Variants in FRMPD4 observed in about 807,000 individuals in gnomAD.
The protein encoded by FRMPD4 is FERM and PDZ domain-containing protein 4.
Under a neutral mutation model 94.1 loss-of-function variants are expected in FRMPD4, and 22 were observed. The observed-to-expected ratio is 0.23, with a 90% CI of 0.17 to 0.33. The LOEUF (loss-of-function observed/expected upper bound fraction) is 0.33, where lower values mean the gene tolerates loss of function less well. FRMPD4 is among the 10% of genes least tolerant of loss of function. The probability of loss-of-function intolerance (pLI) is 1.00; values close to 1 mark genes in which losing one functional copy is unlikely to be tolerated. For synonymous variants in FRMPD4, 631 were observed against 548.6 expected, an observed-to-expected ratio of 1.15 and a Z score of -2.10; for missense variants, 1,111 against 1,339.9, an observed-to-expected ratio of 0.83 and a Z score of 2.67.
At chrX:12,548,400 G>GT (rs1256232174) in intron 2 of FRMPD4, among the ~76,000 whole-genome samples, 1 of 112,346 alleles carries the variant, frequency 8.9e-6, no homozygotes, top group Non-Finnish European at 1.9e-5. Flanking sequence ...TTGCAGCATG[G>GT]TAACTTACTG....
intron 2 of FRMPD4, among the ~76,000 whole-genome samples, chrX:12,556,688 G>A (rs1377685729): frequency 1.8e-5 from 2 of 111,837 alleles, no homozygotes; most frequent in Non-Finnish European, 3.8e-5. Context: ...AGCAATAGAA[G>A]ACTATTACAA....
At chrX:12,060,267 GTTT>G (rs368187952) in intron 3 of FRMPD4, among the ~76,000 whole-genome samples, 72 of 93,025 alleles carry the variant, frequency 7.7e-4, no homozygotes, top group Middle Eastern at 5.5e-3. Context: ...CTAGGAACTG[GTTT>G]TTTTTTTTTT....
intron 3 of FRMPD4, among the ~76,000 whole-genome samples, chrX:12,011,029 C>T: frequency 8.9e-6 from 1 of 112,463 alleles, no homozygotes; most frequent in Admixed American, 9.4e-5. Flanking sequence ...ACAGGAAAAC[C>T]ATATATAGTC....
At chrX:12,539,181 G>T (rs1009672152) in intron 2 of FRMPD4, among the ~76,000 whole-genome samples, 1 of 112,125 alleles carries the variant, frequency 8.9e-6, no homozygotes, top group Non-Finnish European at 1.9e-5. Flanking sequence ...GGAAGAAAGT[G>T]TATCAGTGAC....
intron 3 of FRMPD4, among the ~76,000 whole-genome samples, chrX:11,900,667 C>T (rs1377510565): frequency 1.8e-5 from 2 of 111,282 alleles, no homozygotes; most frequent in Non-Finnish European, 3.8e-5. Flanking sequence ...CAAAGACACA[C>T]TCTTAAGCTG....
intron 5 of FRMPD4, among the ~76,000 whole-genome samples, chrX:12,678,881 A>C (rs192818803): frequency 3.0e-3 from 336 of 112,563 alleles, no homozygotes; most frequent in Admixed American, 7.2e-3. Context: ...ACTCAATGGG[A>C]CTTGAGCTAA....
Position 12,153,226 on chromosome X carries a change from G to T in FRMPD4, c.41+14214G>T, listed in dbSNP as rs775140191. The stretch of plus-strand genomic sequence containing the variant: ...GCTGGGATTACAGGCGTGAGCCACC[G>T]CGAGCTTATACATTTTATAACTTAA... On this transcript the variant is annotated intron_variant, in intron 1 of 16. Transcript: ENST00000675598. Among the ~76,000 whole-genome samples, 88 of 111,582 alleles carry T rather than the reference G, an allele frequency of 7.9e-4. No homozygotes were observed. The Admixed American group carries it at 8.3e-3, about 11-fold the overall frequency.
In FRMPD4 at chrX:12,609,877, A is replaced by G; in HGVS notation, c.315A>G (p.Thr105=). The G allele has an allele frequency of 8.3e-7, 1 of 1,208,319 alleles. No homozygotes were observed. The highest frequency in any genetic ancestry group is 1.1e-6 in the Non-Finnish European group (1 of 892,711). ...AGCCAGTGGTCGTTCGCTCAGTAAC[A>G]CCAGGTAAGCACCCAATCCCAGTTC... ...SEKPVVVRSV[T]PGGPSEGKLI... is the part of the protein sequence containing the mutation. Residue 105 remains threonine (T), a synonymous_variant, in exon 3 of 17, where the codon ACA becomes ACG. Coordinates refer to ENST00000675598, the MANE Select transcript of FRMPD4 (RefSeq NM_001368397.1).
chrX:12,566,574 A>G (rs1057407196), intron 2 of FRMPD4, among the ~76,000 whole-genome samples: 2 of 112,508 alleles, frequency 1.8e-5, no homozygotes, highest in African/African-American at 6.4e-5. Context: ...TGAAGGCAGA[A>G]GAAACATTGT....
chrX:12,531,986 A>G (rs1602082555), intron 2 of FRMPD4, among the ~76,000 whole-genome samples: 1 of 111,633 alleles, frequency 9.0e-6, no homozygotes, highest in East Asian at 2.8e-4. Context: ...AACACTCACA[A>G]TCGATTAAGG....
chrX:12,219,913 G>A (rs1207510634), intron 1 of FRMPD4, among the ~76,000 whole-genome samples: 2 of 112,072 alleles, frequency 1.8e-5, no homozygotes, highest in East Asian at 2.8e-4. Context: ...AGGCCAAGGC[G>A]GGTGGATCAC....
intron 1 of FRMPD4, among the ~76,000 whole-genome samples, chrX:12,289,596 G>A (rs940344116): frequency 1.8e-5 from 2 of 111,324 alleles, no homozygotes; most frequent in African/African-American, 6.6e-5. Flanking sequence ...AATTCTTATG[G>A]AATGTTCAGG....
intron 3 of FRMPD4, among the ~76,000 whole-genome samples, chrX:12,014,005 T>A (rs929576901): frequency 1.3e-4 from 15 of 112,502 alleles, no homozygotes; most frequent in African/African-American, 3.9e-4. Context: ...ACTTTTTTTT[T>A]AATTTTAGTT....
intron 1 of FRMPD4, among the ~76,000 whole-genome samples, chrX:12,481,364 A>AAT (rs2057678453): frequency 9.0e-6 from 1 of 111,523 alleles, no homozygotes; most frequent in Admixed American, 9.5e-5. Context: ...AACTAAGTCA[A>AAT]ATACTTATTC....
At chrX:12,579,760 G>A (rs1471527525) in intron 2 of FRMPD4, among the ~76,000 whole-genome samples, 1 of 111,903 alleles carries the variant, frequency 8.9e-6, no homozygotes, top group African/African-American at 3.2e-5. Flanking sequence ...TTTGCTTCAT[G>A]AATGCTTTTT....
At chrX:12,480,241 C>T (rs1389854422) in intron 1 of FRMPD4, among the ~76,000 whole-genome samples, 1 of 99,253 alleles carries the variant, frequency 1.0e-5, no homozygotes, top group East Asian at 3.5e-4. Flanking sequence ...ACAACAAAAC[C>T]TTTGAGAGTT....
chrX:12,187,826 T>C (rs1385546063), intron 1 of FRMPD4, among the ~76,000 whole-genome samples: 2 of 111,631 alleles, frequency 1.8e-5, no homozygotes, highest in African/African-American at 6.5e-5. Flanking sequence ...AGGTATAAAT[T>C]TAAAATTTAT....
chrX:11,880,505 A>T (rs892843100), intron 3 of FRMPD4, among the ~76,000 whole-genome samples: 2 of 112,004 alleles, frequency 1.8e-5, no homozygotes, highest in Non-Finnish European at 3.8e-5. Context: ...AGAAAGAATG[A>T]TTCATTTAGG....
At chrX:12,684,838 G>C (rs1043041703) in intron 6 of FRMPD4, among the ~76,000 whole-genome samples, 11 of 112,301 alleles carry the variant, frequency 9.8e-5, no homozygotes, top group African/African-American at 3.6e-4. Context: ...GATATAGCAG[G>C]ACTCCTGCAA....
Sources: gnomAD v4.1 joint callset for allele counts (sites outside exome capture counted in the v4.1 genomes callset) on GRCh38, gnomAD v4.1.1 for gene constraint, MANE v1.5 for transcripts, NCBI Gene and HGNC (gene_info 2026-07-23, HGNC 2026-07-21) for gene names.